GRIP1: variants seen among roughly 807,000 people sequenced by gnomAD.
GRIP1 encodes glutamate receptor interacting protein 1, also known as glutamate receptor-interacting protein 1.
In GRIP1, 45 loss-of-function variants were observed where a neutral mutation model predicts 129.9. That is an observed-to-expected ratio of 0.35 (90% CI 0.27 to 0.44). The LOEUF is 0.44. GRIP1 is among the 20% of genes least tolerant of loss of function. The probability of loss-of-function intolerance (pLI) is 1.00; values close to 1 mark genes in which losing one functional copy is unlikely to be tolerated. For missense variants in GRIP1, 1,196 were observed against 1,396.8 expected (o/e 0.86, Z 2.29); for synonymous variants, 530 against 520.8 (o/e 1.02, Z -0.24).
intron 1 of GRIP1, among the ~76,000 whole-genome samples, chr12:67,031,661 G>A (rs1048739683): frequency 6.6e-5 from 10 of 151,972 alleles, no homozygotes; most frequent in African/African-American, 2.4e-4. Context: ...CCTTATTAAT[G>A]TCTTCAGACA....
At chr12:67,037,539 G>T (rs1051191733) in intron 1 of GRIP1, 1 of 151,886 alleles carries the variant, frequency 6.6e-6, no homozygotes, top group Admixed American at 6.6e-5. Context: ...TGAATAAATA[G>T]AACTTTATAG....
chr12:66,952,771 A>C (rs1426043322), intron 1 of GRIP1, among the ~76,000 whole-genome samples: 1 of 152,198 alleles, frequency 6.6e-6, no homozygotes, highest in African/African-American at 2.4e-5. Flanking sequence ...CTCATTAAAA[A>C]CATTCTCTAT....
rs549278322 is a variant in GRIP1 at position 66,666,854 on chromosome 12, G to C, written c.55+11996C>G. Among the ~76,000 whole-genome samples, 21 of 151,508 alleles carry C rather than the reference G, an allele frequency of 1.4e-4. No homozygotes were observed. In the East Asian group the frequency reaches 4.1e-3, roughly 29 times the overall value. On this transcript the variant is annotated intron_variant, in intron 1 of 24. Coordinates refer to ENST00000359742, the MANE Select transcript of GRIP1 (RefSeq NM_001366722.1). ...CTTGATAGACATTTTTAGGTTTGAA[G>C]CATTTCTTCTCAAACATTGAAACCT...
chr12:66,969,565 T>C (rs745416417), intron 1 of GRIP1, among the ~76,000 whole-genome samples: 2 of 152,020 alleles, frequency 1.3e-5, no homozygotes, highest in Non-Finnish European at 2.9e-5. Context: ...CACGGGCATA[T>C]GCCACCACGC....
At chr12:67,025,991 T>C (rs576394132) in intron 1 of GRIP1, among the ~76,000 whole-genome samples, 27 of 152,256 alleles carry the variant, frequency 1.8e-4, no homozygotes, top group African/African-American at 6.0e-4. Context: ...TGAAGGTGCA[T>C]AGTCACAGTG....
At chr12:66,917,956 A>G (rs1046397287) in intron 1 of GRIP1, among the ~76,000 whole-genome samples, 13 of 151,958 alleles carry the variant, frequency 8.6e-5, no homozygotes, top group Admixed American at 1.3e-4. Context: ...AAACACACAC[A>G]CACACACACA....
At chr12:66,951,990 T>C (rs2041765147) in intron 1 of GRIP1, among the ~76,000 whole-genome samples, 1 of 152,188 alleles carries the variant, frequency 6.6e-6, no homozygotes, top group Non-Finnish European at 1.5e-5. Context: ...GAGCTGAAGA[T>C]TCTAATTTTG....
At chr12:66,728,906 C>T (rs1045648498) in intron 1 of GRIP1, among the ~76,000 whole-genome samples, 2 of 152,144 alleles carry the variant, frequency 1.3e-5, no homozygotes, top group African/African-American at 2.4e-5. Context: ...CCTCACTCCC[C>T]TTCCTCCCTT....
intron 13 of GRIP1, among the ~76,000 whole-genome samples, chr12:66,436,302 C>T (rs763861917): frequency 6.6e-6 from 1 of 152,038 alleles, no homozygotes; most frequent in Non-Finnish European, 1.5e-5. Flanking sequence ...GTTTAACTCC[C>T]ACCAATGCAG....
At chr12:66,658,835 G>A (rs988521596) in intron 1 of GRIP1, among the ~76,000 whole-genome samples, 1 of 151,704 alleles carries the variant, frequency 6.6e-6, no homozygotes, top group African/African-American at 2.4e-5. Context: ...GAGGGGGGAA[G>A]ATTGCTTCAG....
chr12:66,655,577 C>T (rs562460193), intron 1 of GRIP1, among the ~76,000 whole-genome samples: 1 of 150,720 alleles, frequency 6.6e-6, no homozygotes, highest in South Asian at 2.1e-4. Flanking sequence ...ATCCACCATA[C>T]ACTAATATTT....
chr12:66,522,351 G>A (rs759731992), intron 5 of GRIP1, among the ~76,000 whole-genome samples: 2 of 151,754 alleles, frequency 1.3e-5, no homozygotes, highest in Non-Finnish European at 3.0e-5. Flanking sequence ...ACCAATATCC[G>A]CTGTTCTACA....
intron 1 of GRIP1, among the ~76,000 whole-genome samples, chr12:66,642,410 G>C (rs371911377): frequency 6.6e-6 from 1 of 151,694 alleles, no homozygotes; most frequent in Non-Finnish European, 1.5e-5. Flanking sequence ...GGGGAAAGAG[G>C]GTGCATGTGT....
exon 1 of GRIP1, chr12:67,069,102 G>C (rs1476801396): frequency 1.0e-6 from 1 of 984,894 alleles, no homozygotes; most frequent in South Asian, 4.7e-5. Context: ...TCTTCCAGCC[G>C]GGCATGGTGT....
intron 1 of GRIP1, among the ~76,000 whole-genome samples, chr12:66,739,594 C>G (rs2036722258): frequency 6.6e-6 from 1 of 151,948 alleles, no homozygotes; most frequent in African/African-American, 2.4e-5. Context: ...AGGGAAGTGA[C>G]AGGAGAGGGA....
chr12:66,740,919 G>A (rs1436896010), intron 1 of GRIP1, among the ~76,000 whole-genome samples: 1 of 152,116 alleles, frequency 6.6e-6, no homozygotes, highest in African/African-American at 2.4e-5. Flanking sequence ...TCTCAGCATA[G>A]CCAGATGCAT....
At chr12:66,684,013 CT>C (rs1482052245), upstream of GRIP1, among the ~76,000 whole-genome samples, 1 of 152,162 alleles carries the variant, frequency 6.6e-6, no homozygotes, top group African/African-American at 2.4e-5. Flanking sequence ...GCTGCGTGAC[CT>C]TGGGCAAGTT....
chr12:66,659,914 A>G (rs2033393372), intron 1 of GRIP1, among the ~76,000 whole-genome samples: 1 of 152,164 alleles, frequency 6.6e-6, no homozygotes, highest in Non-Finnish European at 1.5e-5. Context: ...AACTCCCAAA[A>G]CGCATAGAGT....
intron 1 of GRIP1, among the ~76,000 whole-genome samples, chr12:66,879,571 G>A (rs1319816334): frequency 2.0e-5 from 3 of 151,942 alleles, no homozygotes; most frequent in Admixed American, 2.0e-4. Context: ...ACTCAGAATC[G>A]CCTCTCCAAA....
Sources: gnomAD v4.1 joint callset for allele counts (sites outside exome capture counted in the v4.1 genomes callset) on GRCh38, gnomAD v4.1.1 for gene constraint, MANE v1.5 for transcripts, NCBI Gene and HGNC (gene_info 2026-07-23, HGNC 2026-07-21) for gene names.